The following WWOX variants were observed in gnomAD, a reference collection of about 807,000 sequenced individuals.
WWOX encodes the protein WW domain-containing oxidoreductase.
WWOX carries 69 observed loss-of-function variants against 46.2 expected under a neutral mutation model. The observed-to-expected ratio is 1.49, with a 90% CI of 1.23 to 1.82. The LOEUF (loss-of-function observed/expected upper bound fraction) is 1.82, where lower values mean the gene tolerates loss of function less well. WWOX is among the 40% of genes most tolerant of loss of function. The pLI is 0.00. For missense variants in WWOX, 919 were observed against 542.6 expected (o/e 1.69, Z -6.89); for synonymous variants, 359 against 202.6 (o/e 1.77, Z -6.56).
At chr16:78,234,545 GA>G (rs1343754847) in intron 5 of WWOX, among the ~76,000 whole-genome samples, 3 of 151,820 alleles carry the variant, frequency 2.0e-5, no homozygotes, top group Non-Finnish European at 4.4e-5. Context: ...TCAAAGCATC[GA>G]AAAAGGGTAA....
intron 8 of WWOX, among the ~76,000 whole-genome samples, chr16:79,152,117 C>A (rs908766520): frequency 2.6e-5 from 4 of 152,112 alleles, no homozygotes; most frequent in African/African-American, 9.7e-5. Context: ...CTACTTTTTC[C>A]TGTAGAGTAA....
chr16:78,406,111 G>C (rs1466524395), intron 6 of WWOX, among the ~76,000 whole-genome samples: 1 of 151,448 alleles, frequency 6.6e-6, no homozygotes, highest in East Asian at 1.9e-4. Context: ...CCTTCGTATT[G>C]TGTATCTTGC....
intron 8 of WWOX, among the ~76,000 whole-genome samples, chr16:78,520,079 G>C (rs781007986): frequency 3.3e-5 from 5 of 152,196 alleles, no homozygotes; most frequent in African/African-American, 7.2e-5. Context: ...ACTTAGTTTC[G>C]AAAGGTTTCT....
At chr16:78,206,936 T>C (rs2036414770) in intron 5 of WWOX, among the ~76,000 whole-genome samples, 1 of 152,198 alleles carries the variant, frequency 6.6e-6, no homozygotes, top group Non-Finnish European at 1.5e-5. Context: ...GATAATTGAA[T>C]GTTTTATGTG....
intron 4 of WWOX, among the ~76,000 whole-genome samples, chr16:78,152,384 A>T (rs1250933976): frequency 1.8e-5 from 2 of 110,956 alleles, no homozygotes; most frequent in African/African-American, 5.3e-5. Context: ...CCTCCCACAT[A>T]TTTGCAAGTC....
At chr16:78,592,730 C>T (rs1201168849) in intron 8 of WWOX, among the ~76,000 whole-genome samples, 4 of 152,188 alleles carry the variant, frequency 2.6e-5, no homozygotes, top group Non-Finnish European at 4.4e-5. Context: ...AATTCTTCCA[C>T]ATAAAACAAC....
chr16:78,862,356 T>C (rs2043907222), intron 8 of WWOX, among the ~76,000 whole-genome samples: 1 of 151,158 alleles, frequency 6.6e-6, no homozygotes, highest in Non-Finnish European at 1.5e-5. Context: ...AAATAATATA[T>C]ATAAACACTA....
intron 5 of WWOX, among the ~76,000 whole-genome samples, chr16:78,256,788 C>T (rs1371390824): frequency 6.6e-6 from 1 of 151,976 alleles, no homozygotes; most frequent in African/African-American, 2.4e-5. Context: ...GCCTCAGACG[C>T]CCCCCTTTAG....
intron 8 of WWOX, among the ~76,000 whole-genome samples, chr16:78,916,028 A>C (rs1332254473): frequency 6.6e-6 from 1 of 152,170 alleles, no homozygotes; most frequent in Non-Finnish European, 1.5e-5. Flanking sequence ...AGGGAAAGGG[A>C]ATTTGGAACC....
chr16:78,789,305 A>G (rs769797549), intron 8 of WWOX, among the ~76,000 whole-genome samples: 3 of 152,116 alleles, frequency 2.0e-5, no homozygotes, highest in Admixed American at 1.3e-4. Flanking sequence ...CTTTTGATCC[A>G]TTTTACGTCA....
intron 8 of WWOX, among the ~76,000 whole-genome samples, chr16:79,163,795 CAAAA>C (rs66922536): frequency 9.8e-6 from 1 of 102,278 alleles, no homozygotes; most frequent in African/African-American, 4.1e-5. Context: ...AACTCCACCT[CAAAA>C]AAAAAAAAAA....
intron 8 of WWOX, among the ~76,000 whole-genome samples, chr16:78,642,641 G>C (rs2046747917): frequency 6.6e-6 from 1 of 152,106 alleles, no homozygotes; most frequent in African/African-American, 2.4e-5. Flanking sequence ...AGATATGGAT[G>C]AAGACTCCCT....
chr16:79,199,770 G>A (rs1226003966), intron 8 of WWOX, among the ~76,000 whole-genome samples: 1 of 152,130 alleles, frequency 6.6e-6, no homozygotes, highest in Non-Finnish European at 1.5e-5. Flanking sequence ...ACAGTTCGAA[G>A]GTCAGCTACA....
intron 8 of WWOX, among the ~76,000 whole-genome samples, chr16:78,447,151 C>T (rs925554377): frequency 6.6e-6 from 1 of 152,206 alleles, no homozygotes; most frequent in East Asian, 1.9e-4. Flanking sequence ...TTTGATCTTA[C>T]AAAAATCTGG....
intron 8 of WWOX, among the ~76,000 whole-genome samples, chr16:78,456,087 G>C (rs553883810): frequency 4.6e-5 from 7 of 152,276 alleles, no homozygotes; most frequent in African/African-American, 1.2e-4. Flanking sequence ...GTAACTAAAG[G>C]GGGTGGAGGA....
At chr16:78,583,342 A>G (rs2045111612) in intron 8 of WWOX, among the ~76,000 whole-genome samples, 1 of 152,190 alleles carries the variant, frequency 6.6e-6, no homozygotes. Flanking sequence ...AGTAATTCTG[A>G]CAGTACTCAG....
chr16:78,670,659 C>T (rs564444384), intron 8 of WWOX, among the ~76,000 whole-genome samples: 2 of 152,068 alleles, frequency 1.3e-5, no homozygotes, highest in African/African-American at 4.8e-5. Flanking sequence ...GGAAATAAGG[C>T]CTTTTTAATT....
At chr16:79,100,777 C>T (rs542639089) in intron 8 of WWOX, among the ~76,000 whole-genome samples, 6 of 152,198 alleles carry the variant, frequency 3.9e-5, no homozygotes, top group African/African-American at 1.4e-4. Flanking sequence ...CAGAAATAGG[C>T]CTTCTTCCCT....
At chr16:78,352,376 A>G (rs145618823) in intron 5 of WWOX, among the ~76,000 whole-genome samples, 1 of 152,344 alleles carries the variant, frequency 6.6e-6, no homozygotes, top group Non-Finnish European at 1.5e-5. Flanking sequence ...GCTAAAATCG[A>G]TGTGTCAGCA....
Sources: allele counts gnomAD v4.1 joint callset (sites outside exome capture counted in the v4.1 genomes callset), GRCh38; gene constraint gnomAD v4.1.1; transcripts MANE v1.5; gene names NCBI Gene and HGNC (gene_info 2026-07-23, HGNC 2026-07-21).